GRIK2: variants seen among roughly 807,000 people sequenced by gnomAD.
GRIK2 encodes glutamate ionotropic receptor kainate type subunit 2, also known as glutamate receptor ionotropic, kainate 2.
Under a neutral mutation model 100.3 loss-of-function variants are expected in GRIK2, and 32 were observed. The observed-to-expected ratio is 0.32, with a 90% confidence interval of 0.24 to 0.43. The LOEUF (loss-of-function observed/expected upper bound fraction) is 0.43. Among genes scored for constraint, GRIK2 ranks in the 20% least tolerant of loss-of-function variants. The pLI is 1.00. For missense variants in GRIK2, 843 were observed against 1,114.9 expected (o/e 0.76, Z 3.47); for synonymous variants, 417 against 389.4 (o/e 1.07, Z -0.83).
intron 2 of GRIK2, among the ~76,000 whole-genome samples, chr6:101,589,971 G>A (rs555379097): frequency 1.3e-5 from 2 of 152,030 alleles, no homozygotes; most frequent in African/African-American, 4.8e-5. Context: ...AATATTTGAT[G>A]TACTACAAAA....
chr6:101,805,576 C>G (rs1306400302), intron 9 of GRIK2, among the ~76,000 whole-genome samples: 2 of 151,840 alleles, frequency 1.3e-5, no homozygotes, highest in Non-Finnish European at 2.9e-5. Context: ...CATCTTAGAC[C>G]AGCACACTTC....
At chr6:101,565,290 T>C (rs2128296998) in intron 2 of GRIK2, among the ~76,000 whole-genome samples, 1 of 152,232 alleles carries the variant, frequency 6.6e-6, no homozygotes, top group South Asian at 2.1e-4. Flanking sequence ...ATCTTTATCC[T>C]AGAAGCAGAA....
At chr6:101,880,318 A>G (rs543764554) in intron 11 of GRIK2, among the ~76,000 whole-genome samples, 6 of 152,202 alleles carry the variant, frequency 3.9e-5, no homozygotes, top group Admixed American at 2.0e-4. Flanking sequence ...ATTTACTGCT[A>G]TATTGCTCTT....
chr6:101,565,082 G>A (rs192618285), intron 2 of GRIK2, among the ~76,000 whole-genome samples: 3 of 152,068 alleles, frequency 2.0e-5, no homozygotes, highest in Non-Finnish European at 4.4e-5. Context: ...GGGCTGGATT[G>A]TCCTGAAAGA....
intron 2 of GRIK2, among the ~76,000 whole-genome samples, chr6:101,407,927 G>A (rs1337686501): frequency 1.3e-5 from 2 of 152,120 alleles, no homozygotes; most frequent in African/African-American, 4.8e-5. Context: ...TGAAAACATT[G>A]TGTGGTAGAA....
intron 14 of GRIK2, among the ~76,000 whole-genome samples, chr6:101,937,610 A>G (rs1483234577): frequency 6.6e-6 from 1 of 152,198 alleles, no homozygotes; most frequent in Non-Finnish European, 1.5e-5. Context: ...AAAAACTAAA[A>G]TGACAAATTC....
At chr6:101,969,754 A>G (rs952306516) in intron 14 of GRIK2, among the ~76,000 whole-genome samples, 3 of 152,026 alleles carry the variant, frequency 2.0e-5, no homozygotes, top group Non-Finnish European at 2.9e-5. Context: ...TGTCTTAGAT[A>G]AGTCCACATA....
rs530286510 is a variant in GRIK2, at chr6:101,774,030, ATCTC to A, written c.952-25614_952-25611del. ...TGTATTGTTTCATTTTTTTCAGAAT[ATCTC>A]TCTAACTTTTTAAGTCTTTTTCAAA... On this transcript the variant is annotated intron_variant, in intron 7 of 16. Coordinates refer to ENST00000369134, the MANE Select transcript of GRIK2 (RefSeq NM_021956.5). 5.2e-4 allele frequency among the ~76,000 whole-genome samples: 79 copies of A among 152,276 alleles called. No homozygotes were observed. The South Asian group carries it at 0.011, about 21-fold the overall frequency.
chr6:101,809,172 C>G (rs977124129), intron 9 of GRIK2, among the ~76,000 whole-genome samples: 1 of 151,810 alleles, frequency 6.6e-6, no homozygotes, highest in Non-Finnish European at 1.5e-5. Context: ...AGTATAGAGA[C>G]TAGTATTAAT....
At chr6:101,479,606 A>T (rs961210860) in intron 2 of GRIK2, among the ~76,000 whole-genome samples, 1 of 152,114 alleles carries the variant, frequency 6.6e-6, no homozygotes, top group South Asian at 2.1e-4. Flanking sequence ...ATGGTTTTTC[A>T]TGGGCTAAGT....
chr6:101,712,409 GT>G (rs370432967), intron 7 of GRIK2, among the ~76,000 whole-genome samples: 2,219 of 151,596 alleles, frequency 0.015, 29 homozygotes, highest in South Asian at 0.039. Context: ...TATTTCCTCA[GT>G]TTTTTTTCTT....
At chr6:101,627,228 G>T (rs1056266613) in intron 4 of GRIK2, among the ~76,000 whole-genome samples, 2 of 151,660 alleles carry the variant, frequency 1.3e-5, no homozygotes, top group African/African-American at 4.8e-5. Flanking sequence ...TGCAACCTCT[G>T]CCTCCCAGGT....
At chr6:101,803,290 G>T (rs147961574) in intron 9 of GRIK2, among the ~76,000 whole-genome samples, 23 of 151,880 alleles carry the variant, frequency 1.5e-4, no homozygotes, top group South Asian at 6.2e-4. Context: ...CCTACGAAGG[G>T]CTTTCTTAGT....
At chr6:101,459,727 A>G (rs982075292) in intron 2 of GRIK2, among the ~76,000 whole-genome samples, 2 of 151,974 alleles carry the variant, frequency 1.3e-5, no homozygotes, top group Non-Finnish European at 2.9e-5. Context: ...GTCCTCATGC[A>G]TACCTCATTT....
chr6:101,454,769 A>G (rs1228240647), intron 2 of GRIK2, among the ~76,000 whole-genome samples: 1 of 152,130 alleles, frequency 6.6e-6, no homozygotes, highest in African/African-American at 2.4e-5. Flanking sequence ...CATAAATCTT[A>G]CTGGGGAGAG....
Position 102,021,340 on chromosome 6 carries a change from G to A in GRIK2, c.2086-14001G>A, listed in dbSNP as rs377111382. On this transcript the variant is annotated intron_variant, in intron 14 of 16. Transcript: ENST00000369134. ...GAATTTTTATTTCATAGAAAACTGAGGGTAAACTAGTTCCTTTATTTTTAG... is the reference window on the plus strand; with the variant it reads ...GAATTTTTATTTCATAGAAAACTGAAGGTAAACTAGTTCCTTTATTTTTAG... Among the ~76,000 whole-genome samples the A allele has an allele frequency of 1.1e-3, 163 of 151,532 alleles. 2 individuals carry two copies. In the South Asian group the frequency reaches 0.011, roughly 10 times the overall value.
intron 11 of GRIK2, among the ~76,000 whole-genome samples, chr6:101,876,012 T>G (rs184994256): frequency 0.017 from 2,549 of 150,148 alleles, 35 homozygotes; most frequent in South Asian, 0.04. Context: ...TATGTGTTTG[T>G]GTGTGTGTGT....
intron 7 of GRIK2, among the ~76,000 whole-genome samples, chr6:101,705,746 C>T (rs971930207): frequency 3.3e-5 from 5 of 151,766 alleles, no homozygotes; most frequent in Admixed American, 6.6e-5. Flanking sequence ...CATCAAATGA[C>T]AAAGTTAAGT....
intron 2 of GRIK2, among the ~76,000 whole-genome samples, chr6:101,493,461 C>T (rs116387746): frequency 2.1e-3 from 321 of 152,114 alleles, no homozygotes; most frequent in African/African-American, 7.3e-3. Context: ...ATGATATCTT[C>T]AGATTTCTTA....
Sources: gnomAD v4.1 joint callset for allele counts (sites outside exome capture counted in the v4.1 genomes callset) on GRCh38, gnomAD v4.1.1 for gene constraint, MANE v1.5 for transcripts, NCBI Gene and HGNC (gene_info 2026-07-23, HGNC 2026-07-21) for gene names.